Variants in AP1AR observed in about 807,000 individuals in gnomAD.
The protein encoded by AP1AR is AP-1 complex-associated regulatory protein.
AP1AR carries 29 observed loss-of-function variants against 46.3 expected under a neutral mutation model. The ratio of observed to expected loss-of-function variants is 0.63; its 90% CI spans 0.47 to 0.85. The LOEUF (loss-of-function observed/expected upper bound fraction) is 0.85, where lower values mean the gene tolerates loss of function less well. Ranked by LOEUF, AP1AR falls within the 40% of genes least tolerant of loss-of-function variation. The pLI, the probability that AP1AR is intolerant of heterozygous loss-of-function variation, is 0.00. For missense variants in AP1AR, 357 were observed against 356.3 expected, an observed-to-expected ratio of 1.00 and a Z score of -0.02; for synonymous variants, 122 against 122.9, an observed-to-expected ratio of 0.99 and a Z score of 0.05.
In AP1AR at chr4:112,271,282, C is replaced by T. The variant is rs766258330; in HGVS notation, c.*2873C>T. Among the ~76,000 whole-genome samples, 25 of 152,224 alleles carry T rather than the reference C, an allele frequency of 1.6e-4. No homozygotes were observed. Among genetic ancestry groups the T allele is most frequent in the Non-Finnish European group, 3.4e-4 (23 of 68,042 alleles). On this transcript the variant is annotated 3_prime_UTR_variant, in exon 10 of 10. Coordinates refer to ENST00000274000, the MANE Select transcript of AP1AR (RefSeq NM_018569.6). ...TTTATCTTGCAAAATACCTCCCTGT[C>T]TTGCAAAAGGCTGCCGTGAGGCAAT...
rs943656113 is a variant in AP1AR at position 112,259,238 on chromosome 4, T to C, written c.185+1441T>C. Among the ~76,000 whole-genome samples, 7 of 152,286 alleles carry C rather than the reference T, an allele frequency of 4.6e-5. No homozygotes were observed. The East Asian group carries it at 1.2e-3, about 25-fold the overall frequency. ...ACCTTTGCTAGAGTTATTGGAGTTA[T>C]GGGAGCAGAGGTAGACTGCAGCGAG... is the stretch of plus-strand genomic sequence containing the variant. On this transcript the variant is annotated intron_variant, in intron 4 of 9. Coordinates refer to ENST00000274000, the MANE Select transcript of AP1AR (RefSeq NM_018569.6).
At chr4:112,262,198 C>A (rs1726481304) in intron 5 of AP1AR, among the ~76,000 whole-genome samples, 1 of 152,098 alleles carries the variant, frequency 6.6e-6, no homozygotes, top group Non-Finnish European at 1.5e-5. Context: ...CCTGTAGTCC[C>A]AGCTACTCTG....
At chr4:112,255,049 C>T (rs1157000995) in intron 3 of AP1AR, among the ~76,000 whole-genome samples, 2 of 151,854 alleles carry the variant, frequency 1.3e-5, no homozygotes, top group African/African-American at 4.8e-5. Context: ...CAAGCTCCGC[C>T]TCCCGGGTCA....
At chr4:112,241,568 C>T (rs1184355733) in intron 1 of AP1AR, among the ~76,000 whole-genome samples, 1 of 152,160 alleles carries the variant, frequency 6.6e-6, no homozygotes, top group Admixed American at 6.6e-5. Context: ...AACCCACCCA[C>T]CTTGGAAAGG....
At position 112,237,599 on chromosome 4, in the gene AP1AR, C is replaced by T. The variant is rs899359920; in HGVS notation, c.83+5425C>T. On this transcript the variant is annotated intron_variant, in intron 1 of 9. Coordinates refer to ENST00000274000, the MANE Select transcript of AP1AR (RefSeq NM_018569.6). ...CCTCCCAAGTAGCTGGGACTACAGG[C>T]GCAGGCCACCACGCTTGGCTAATTT... Among the ~76,000 whole-genome samples, 12 of 151,988 alleles carry T rather than the reference C, an allele frequency of 7.9e-5. No individual in the cohort carries two copies. The South Asian group carries it at 1.2e-3, about 16-fold the overall frequency.
intron 7 of AP1AR, 78 bp downstream of exon 7, chr4:112,265,145 A>ATG: frequency 9.0e-7 from 1 of 1,113,702 alleles, no homozygotes; most frequent in East Asian, 2.5e-5. Context: ...TCACCTCAAG[A>ATG]TGTGTATATA....
At chr4:112,266,810 A>AT in intron 9 of AP1AR, 94 bp downstream of exon 9, 1 of 1,215,334 alleles carries the variant, frequency 8.2e-7, no homozygotes, top group South Asian at 1.9e-5. Flanking sequence ...ATGGAAATAA[A>AT]TTCAAGGCCT....
chr4:112,243,706 A>G (rs1432825697), intron 1 of AP1AR, among the ~76,000 whole-genome samples: 1 of 152,064 alleles, frequency 6.6e-6, no homozygotes, highest in Non-Finnish European at 1.5e-5. Context: ...GATCATTTCC[A>G]ACTTCTTTTT....
In AP1AR at chr4:112,249,481, A is replaced by G. The variant is rs112876262; in HGVS notation, c.84-3727A>G. Among the ~76,000 whole-genome samples, 1,021 of 150,982 alleles carry G rather than the reference A, an allele frequency of 6.8e-3. 8 individuals carry two copies. The highest frequency in any genetic ancestry group is 0.023 in the African/African-American group (956 of 41,104). ...TTGAGACCAGCCTGGCCAAAGTGAA[A>G]CTCCGTCTGTACTAAAATTACAAAA... On this transcript the variant is annotated intron_variant, in intron 1 of 9. Coordinates refer to ENST00000274000, the MANE Select transcript of AP1AR (RefSeq NM_018569.6).
intron 1 of AP1AR, among the ~76,000 whole-genome samples, chr4:112,241,350 C>T (rs949248926): frequency 6.6e-6 from 1 of 152,092 alleles, no homozygotes; most frequent in Non-Finnish European, 1.5e-5. Flanking sequence ...TGAGAACTGT[C>T]ATAAGGAATT....
chr4:112,265,567 A>G (rs1726665634), intron 7 of AP1AR, among the ~76,000 whole-genome samples, 167 bp from the exon 8 acceptor site: 1 of 151,934 alleles, frequency 6.6e-6, no homozygotes, highest in Admixed American at 6.6e-5. Flanking sequence ...GTTTCATTTT[A>G]GTATTAAGAA....
chr4:112,264,997 A>G lies in AP1AR; in HGVS notation c.382-12A>G, dbSNP rs986989976. 4 of 1,589,180 alleles carry G rather than the reference A, an allele frequency of 2.5e-6. No individual in the cohort carries two copies. Among genetic ancestry groups the G allele is most frequent in the Admixed American group, 3.6e-5 (2 of 54,866 alleles). On this transcript the variant is annotated splice_polypyrimidine_tract_variant and intron_variant, in intron 6 of 9. Transcript: ENST00000274000. ...ACAGAGTGATTTTTTTTATTACATT[A>G]TGTTTCCAAAGCAAGAAAGGCAGAG...
chr4:112,255,405 A>T (rs1239157792), intron 3 of AP1AR, among the ~76,000 whole-genome samples: 2 of 152,194 alleles, frequency 1.3e-5, no homozygotes, highest in Non-Finnish European at 2.9e-5. Context: ...CTAACAATCC[A>T]GAGTAGACCC....
At position 112,253,199 on chromosome 4, in the gene AP1AR, C is replaced by T. The variant is rs1202553742; in HGVS notation, c.84-9C>T. On this transcript the variant is annotated splice_polypyrimidine_tract_variant and intron_variant, in intron 1 of 9. Coordinates refer to ENST00000274000, the MANE Select transcript of AP1AR (RefSeq NM_018569.6). ...GTGTTTTTTAAAGTTATTCTGTTTT[C>T]CTTCCCAGATCCAAGTATTTTAGAA... is the stretch of plus-strand genomic sequence containing the variant. The T allele has an allele frequency of 1.2e-6, 2 of 1,605,286 alleles. No homozygotes were observed. Among genetic ancestry groups the T allele is most frequent in the African/African-American group, 2.7e-5 (2 of 74,658 alleles).
chr4:112,241,974 A>T (rs564767955), intron 1 of AP1AR, among the ~76,000 whole-genome samples: 5 of 152,306 alleles, frequency 3.3e-5, no homozygotes, highest in African/African-American at 7.2e-5. Context: ...TCATTTATTT[A>T]TAGTGTCAAG....
At position 112,257,796 on chromosome 4, in the gene AP1AR, A is replaced by G; in HGVS notation, c.184A>G (p.Arg62Gly). ...GGGGGAGAGCCCAGGAAGCAGTCATAGGTAAGGCTTTGTTAAAAAAAAAAA... is the reference window on the plus strand; with the variant it reads ...GGGGGAGAGCCCAGGAAGCAGTCATGGGTAAGGCTTTGTTAAAAAAAAAAA... ...DEGESPGSSH[R>G]PLTEEEIVDL... is the part of the protein sequence containing the mutation. Residue 62 changes from arginine to glycine, a missense_variant and splice_region_variant, in exon 4 of 10, where the codon AGG becomes GGG. Arg to Gly is a moderately radical substitution (Grantham distance 125). Transcript: ENST00000274000. 2 of 1,549,474 alleles carry G rather than the reference A, an allele frequency of 1.3e-6. No individual in the cohort carries two copies. The highest frequency in any genetic ancestry group is 1.2e-5 in the South Asian group (1 of 80,734).
intron 1 of AP1AR, among the ~76,000 whole-genome samples, chr4:112,236,581 A>G (rs571317420): frequency 6.6e-6 from 1 of 151,844 alleles, no homozygotes; most frequent in African/African-American, 2.4e-5. Context: ...TTGTATTTTT[A>G]ATAGAGACAG....
At chr4:112,265,440 C>A in intron 7 of AP1AR, 1 of 360,210 alleles carries the variant, frequency 2.8e-6, no homozygotes, top group Non-Finnish European at 4.9e-6. Flanking sequence ...GTCACATTTC[C>A]ACAAGTATCA....
intron 1 of AP1AR, among the ~76,000 whole-genome samples, chr4:112,246,436 G>A (rs1040870427): frequency 4.6e-5 from 7 of 152,276 alleles, no homozygotes; most frequent in African/African-American, 1.7e-4. Context: ...AACCCAGGAG[G>A]CAGAGGTTGC....
Sources: gnomAD v4.1 joint callset for allele counts (sites outside exome capture counted in the v4.1 genomes callset) on GRCh38, gnomAD v4.1.1 for gene constraint, MANE v1.5 for transcripts, NCBI Gene and HGNC (gene_info 2026-07-23, HGNC 2026-07-21) for gene names.